TCP11: variants seen among roughly 807,000 people sequenced by gnomAD.
The protein encoded by TCP11 is T-complex protein 11 homolog.
Under a neutral mutation model 45.0 loss-of-function variants are expected in TCP11, and 34 were observed. That is an observed-to-expected ratio of 0.76 (90% CI 0.57 to 1.01). The LOEUF (loss-of-function observed/expected upper bound fraction) is 1.01, where lower values mean the gene tolerates loss of function less well. TCP11 is among the 50% of genes least tolerant of loss of function. The pLI, the probability that TCP11 is intolerant of heterozygous loss-of-function variation, is 0.00. For synonymous variants in TCP11, 227 were observed against 227.0 expected (o/e 1.00, Z 0.00); for missense variants, 523 against 598.1 (o/e 0.87, Z 1.31).
chr6:35,119,991 T>C (rs556585423), intron 8 of TCP11, among the ~76,000 whole-genome samples, 168 bp downstream of exon 8: 2 of 152,334 alleles, frequency 1.3e-5, no homozygotes, highest in South Asian at 2.1e-4. Context: ...AGGTTTTTTT[T>C]TGTTACACCC....
intron 4 of TCP11, among the ~76,000 whole-genome samples, chr6:35,123,122 C>A (rs1028104489): frequency 6.6e-6 from 1 of 152,118 alleles, no homozygotes; most frequent in African/African-American, 2.4e-5. Context: ...AAAGAAACTG[C>A]AAGAGAAAAG....
intron 4 of TCP11, among the ~76,000 whole-genome samples, chr6:35,124,073 C>G (rs1049934195): frequency 4.9e-4 from 74 of 152,144 alleles, no homozygotes; most frequent in African/African-American, 1.7e-3. Context: ...GAATTACAGG[C>G]CTGAGCCACC....
intron 4 of TCP11, 85 bp from the exon 5 acceptor site, chr6:35,122,422 A>C (rs1581806489): frequency 4.1e-6 from 5 of 1,217,666 alleles, no homozygotes; most frequent in African/African-American, 3.1e-5. Flanking sequence ...CTAAAGACAT[A>C]CCAGCCTATG....
Position 35,140,843 on chromosome 6 carries a change from G to A in TCP11, c.28C>T (p.Pro10Ser). The change falls in exon 2 of 10, where the codon CCG becomes TCG. Residue 10 changes from proline (P) to serine (S), a missense_variant. Pro to Ser is a moderately conservative substitution (Grantham distance 74). Coordinates refer to ENST00000311875, the MANE Select transcript of TCP11 (RefSeq NM_001370687.1). ...CCCTCTGAGTCGCCAGGATATTTCG[G>A]GGGCACACTCTCCTTGACGTCTGGC... MPDVKESVP[P>S]KYPGDSEGRS... 6.4e-7 allele frequency: 1 copy of A among 1,570,188 alleles called. No homozygotes were observed. The highest frequency in any genetic ancestry group is 8.6e-7 in the Non-Finnish European group (1 of 1,161,860).
At chr6:35,121,294 G>A (rs1779208601) in intron 5 of TCP11, among the ~76,000 whole-genome samples, 1 of 151,812 alleles carries the variant, frequency 6.6e-6, no homozygotes, top group South Asian at 2.1e-4. Context: ...TCATTCTGTT[G>A]CCTCTTAAAA....
chr6:35,134,959 C>A (rs1305338255), intron 3 of TCP11, among the ~76,000 whole-genome samples: 1 of 152,042 alleles, frequency 6.6e-6, no homozygotes, highest in Non-Finnish European at 1.5e-5. Flanking sequence ...ACCAGACTGA[C>A]CAACATGGAG....
At chr6:35,136,016 A>T in intron 3 of TCP11, 91 bp downstream of exon 3, 2 of 836,034 alleles carry the variant, frequency 2.4e-6, no homozygotes, top group South Asian at 2.0e-5. Context: ...TTGTATCATT[A>T]AATAAAAATG....
chr6:35,119,328 C>T lies in TCP11; in HGVS notation c.1179G>A (p.Lys393=), dbSNP rs774530989. ...QVSQEIHQSL[K]NMGLVALSSD... ...TGCTTAGAGCAACAAGGCCCATATT[C>T]TTGAGGCTTTGATGGATTTCCTGAG... Residue 393 remains lysine, a synonymous_variant, in exon 9 of 10, where the codon AAG becomes AAA. Transcript: ENST00000311875. 11 of 1,614,226 alleles carry T rather than the reference C, an allele frequency of 6.8e-6. No individual in the cohort carries two copies. Among genetic ancestry groups the T allele is most frequent in the East Asian group, 2.2e-5 (1 of 44,886 alleles).
At chr6:35,127,694 G>C (rs1779985524) in intron 4 of TCP11, among the ~76,000 whole-genome samples, 1 of 152,154 alleles carries the variant, frequency 6.6e-6, no homozygotes, top group Admixed American at 6.5e-5. Context: ...TAACACAATA[G>C]TCAGTGAAAC....
intron 4 of TCP11, among the ~76,000 whole-genome samples, chr6:35,122,567 G>A (rs1009794224): frequency 2.0e-5 from 3 of 152,148 alleles, no homozygotes; most frequent in African/African-American, 7.2e-5. Context: ...GGCAGAATGA[G>A]ATATAGAGAT....
At chr6:35,140,519 T>C (rs1276983581) in intron 2 of TCP11, 4 of 648,924 alleles carry the variant, frequency 6.2e-6, no homozygotes, top group Non-Finnish European at 8.5e-6. Flanking sequence ...GTCTCAAATC[T>C]TGTCAGATTC....
rs927626487 is a variant in TCP11, at chr6:35,125,977, C to G, written c.357+3085G>C. 3.3e-5 allele frequency among the ~76,000 whole-genome samples: 5 copies of G among 152,018 alleles called. No individual in the cohort carries two copies. In the South Asian group the frequency reaches 1.0e-3, roughly 32 times the overall value. On this transcript the variant is annotated intron_variant, in intron 4 of 9. Coordinates refer to ENST00000311875, the MANE Select transcript of TCP11 (RefSeq NM_001370687.1). Reference sequence around the variant, plus strand: ...GTCAAATTCATAGAGACAGAAAGTACAGGTGCTAGTGGGAGAGGGGAAAGG... The same window carrying G: ...GTCAAATTCATAGAGACAGAAAGTAGAGGTGCTAGTGGGAGAGGGGAAAGG...
chr6:35,140,278 G>A (rs1332167340), intron 2 of TCP11: 1 of 1,331,606 alleles, frequency 7.5e-7, no homozygotes, highest in African/African-American at 1.5e-5. Context: ...GACCTACCAC[G>A]AAGCGCGGAG....
intron 3 of TCP11, among the ~76,000 whole-genome samples, chr6:35,135,831 T>G (rs1562008504): frequency 1.3e-5 from 2 of 152,212 alleles, no homozygotes; most frequent in East Asian, 3.8e-4. Flanking sequence ...TACTACAGGC[T>G]GCTTCCTCCA....
chr6:35,141,128 G>T (rs1781725355), intron 1 of TCP11, 77 bp downstream of exon 1: 1 of 1,311,966 alleles, frequency 7.6e-7, no homozygotes, highest in Non-Finnish European at 9.7e-7. Context: ...GCGTGGGAAG[G>T]CCCCTTCCTT....
chr6:35,140,943 A>C (rs1304465711), intron 1 of TCP11, 59 bp from the exon 2 acceptor site: 15 of 888,578 alleles, frequency 1.7e-5, no homozygotes, highest in Admixed American at 4.0e-5. Flanking sequence ...CCAATTGCCA[A>C]GGGGGTCCCT....
chr6:35,118,586 T>C (rs1778889711), intron 9 of TCP11, 85 bp from the exon 10 acceptor site: 3 of 1,296,290 alleles, frequency 2.3e-6, no homozygotes, highest in African/African-American at 1.5e-5. Flanking sequence ...TCACCCATGT[T>C]CTAAGTTAAC....
chr6:35,119,939 C>T (rs77721254), intron 8 of TCP11, among the ~76,000 whole-genome samples: 6,947 of 152,214 alleles, frequency 0.046, 339 homozygotes, highest in African/African-American at 0.13. Context: ...TAGATAATGA[C>T]CCTTTTGCAG....
At chr6:35,140,591 C>A in intron 2 of TCP11, 156 bp downstream of exon 2, 1 of 692,322 alleles carries the variant, frequency 1.4e-6, no homozygotes, top group Non-Finnish European at 2.6e-6. Flanking sequence ...GACCTCTGCC[C>A]TCGGGCCTGT....
Sources: allele counts gnomAD v4.1 joint callset (sites outside exome capture counted in the v4.1 genomes callset), GRCh38; gene constraint gnomAD v4.1.1; transcripts MANE v1.5; gene names NCBI Gene and HGNC (gene_info 2026-07-23, HGNC 2026-07-21).